Variants in SYT14 observed in about 807,000 individuals in gnomAD.
SYT14 encodes synaptotagmin 14.
A neutral mutation model predicts 74.2 loss-of-function variants in SYT14; 32 were observed. The ratio of observed to expected loss-of-function variants is 0.43; its 90% CI spans 0.33 to 0.58. SYT14 has a LOEUF of 0.58. Among genes scored for constraint, SYT14 ranks in the 20% least tolerant of loss-of-function variants. The pLI, the probability that SYT14 is intolerant of heterozygous loss-of-function variation, is 0.05. For synonymous variants in SYT14, 298 were observed against 337.7 expected (o/e 0.88, Z 1.29); for missense variants, 791 against 981.8 (o/e 0.81, Z 2.60).
intron 2 of SYT14, among the ~76,000 whole-genome samples, chr1:210,013,101 T>A (rs1182953280): frequency 2.0e-5 from 3 of 151,528 alleles, no homozygotes; most frequent in Admixed American, 2.0e-4. Context: ...TTTTTTTTTT[T>A]AGACAGTTTT....
intron 7 of SYT14, among the ~76,000 whole-genome samples, chr1:210,145,663 C>A (rs1005914152): frequency 5.9e-5 from 9 of 152,124 alleles, no homozygotes; most frequent in African/African-American, 2.2e-4. Flanking sequence ...TTCAATCTTC[C>A]TTTCCATCTG....
At chr1:209,956,384 G>T (rs972271266) in intron 2 of SYT14, among the ~76,000 whole-genome samples, 2 of 152,088 alleles carry the variant, frequency 1.3e-5, no homozygotes, top group African/African-American at 4.8e-5. Context: ...CAGTGATTTA[G>T]GGATCCAGGC....
rs576669640 is a variant in SYT14 at position 209,956,715 on chromosome 1, A to G, written c.-486+3959A>G. Among the ~76,000 whole-genome samples, 57 of 152,308 alleles carry G rather than the reference A, an allele frequency of 3.7e-4. 1 individual carries two copies. The South Asian group carries it at 0.012, about 32-fold the overall frequency. On this transcript the variant is annotated intron_variant, in intron 2 of 9. Transcript: ENST00000637265. ...GAAGTGCTTTCCTTGCCATAGTCTT[A>G]CATGCTCTATATATGCTAATGGTGA... is the stretch of plus-strand genomic sequence containing the variant.
chr1:209,938,392 C>T (rs2078669505), intron 1 of SYT14, 115 bp downstream of exon 1: 3 of 1,024,582 alleles, frequency 2.9e-6, no homozygotes, highest in African/African-American at 1.7e-5. Context: ...GGTCTGGAGC[C>T]GGCTGAAGAC....
chr1:210,000,840 C>G (rs904450157), intron 2 of SYT14, among the ~76,000 whole-genome samples: 1 of 151,936 alleles, frequency 6.6e-6, no homozygotes, highest in Non-Finnish European at 1.5e-5. Flanking sequence ...GTCTTGATCT[C>G]CTGACCTTGT....
chr1:209,991,833 A>AAAG (rs1361607103), intron 2 of SYT14, among the ~76,000 whole-genome samples: 38 of 144,748 alleles, frequency 2.6e-4, no homozygotes, highest in Non-Finnish European at 4.7e-4. Flanking sequence ...CCGTCTCGAG[A>AAAG]AAAAAAAAAA....
At chr1:210,013,552 A>G in intron 2 of SYT14, 81 bp from the exon 3 acceptor site, 1 of 1,321,840 alleles carries the variant, frequency 7.6e-7, no homozygotes, top group Non-Finnish European at 1.1e-6. Context: ...GTAGTAAGCT[A>G]ACTTAATGTT....
chr1:210,020,787 A>G (rs1372489480), intron 4 of SYT14, among the ~76,000 whole-genome samples: 2 of 152,162 alleles, frequency 1.3e-5, no homozygotes, highest in African/African-American at 2.4e-5. Flanking sequence ...TCTTTTTCCA[A>G]AGCTTGGGCT....
chr1:210,055,579 G>A (rs926545637), intron 5 of SYT14, among the ~76,000 whole-genome samples: 1 of 151,924 alleles, frequency 6.6e-6, no homozygotes, highest in Admixed American at 6.6e-5. Flanking sequence ...CACTTTGGGA[G>A]GCTAAGTCAG....
chr1:210,067,457 C>A (rs2081316522), intron 5 of SYT14, among the ~76,000 whole-genome samples: 1 of 151,862 alleles, frequency 6.6e-6, no homozygotes, highest in Admixed American at 6.6e-5. Flanking sequence ...TTCAAGTCTT[C>A]TTTAATTTCT....
At chr1:210,022,172 C>T (rs966647997) in intron 5 of SYT14, among the ~76,000 whole-genome samples, 1 of 152,138 alleles carries the variant, frequency 6.6e-6, no homozygotes, top group Non-Finnish European at 1.5e-5. Flanking sequence ...GGGCCTATTA[C>T]TATTGATGAC....
chr1:210,135,321 T>G (rs937402961), intron 7 of SYT14, among the ~76,000 whole-genome samples: 1 of 152,170 alleles, frequency 6.6e-6, no homozygotes, highest in African/African-American at 2.4e-5. Flanking sequence ...ATTTTAGACC[T>G]TCTATTGCTG....
chr1:210,077,444 G>A (rs2081523654), intron 5 of SYT14, among the ~76,000 whole-genome samples: 3 of 152,186 alleles, frequency 2.0e-5, no homozygotes, highest in Admixed American at 1.3e-4. Context: ...TTGCCAAATA[G>A]TATTAAATTG....
intron 2 of SYT14, among the ~76,000 whole-genome samples, chr1:209,975,322 A>G (rs929965394): frequency 1.3e-5 from 2 of 152,212 alleles, no homozygotes; most frequent in Non-Finnish European, 2.9e-5. Context: ...TTGCCCATTC[A>G]GTATGATACT....
At chr1:209,938,924 A>G (rs2078682948) in intron 1 of SYT14, among the ~76,000 whole-genome samples, 1 of 152,198 alleles carries the variant, frequency 6.6e-6, no homozygotes, top group African/African-American at 2.4e-5. Flanking sequence ...CTCCATGAAA[A>G]GAAGTAAATA....
At chr1:209,984,698 G>T (rs985505578) in intron 2 of SYT14, among the ~76,000 whole-genome samples, 1 of 152,108 alleles carries the variant, frequency 6.6e-6, no homozygotes, top group African/African-American at 2.4e-5. Context: ...ACCTGAGACT[G>T]GGTAATTTAT....
intron 2 of SYT14, among the ~76,000 whole-genome samples, chr1:209,984,955 C>T (rs2102814773): frequency 6.6e-6 from 1 of 152,282 alleles, no homozygotes; most frequent in South Asian, 2.1e-4. Context: ...GAATTCTGCC[C>T]TCAGTACCTA....
chr1:210,137,958 C>T (rs1473044462), intron 7 of SYT14, among the ~76,000 whole-genome samples: 2 of 152,064 alleles, frequency 1.3e-5, no homozygotes, highest in African/African-American at 4.8e-5. Context: ...GGATTACAGG[C>T]GTGAGCCACT....
At chr1:209,972,777 A>G (rs368433674) in intron 2 of SYT14, among the ~76,000 whole-genome samples, 52 of 149,884 alleles carry the variant, frequency 3.5e-4, no homozygotes, top group African/African-American at 1.2e-3. Context: ...CATGTGGCCT[A>G]TCTTAGAGTG....
Sources: gnomAD v4.1 joint callset for allele counts (sites outside exome capture counted in the v4.1 genomes callset) on GRCh38, gnomAD v4.1.1 for gene constraint, MANE v1.5 for transcripts, NCBI Gene and HGNC (gene_info 2026-07-23, HGNC 2026-07-21) for gene names.